The following TENM4 variants were observed in gnomAD, a reference collection of about 807,000 sequenced individuals.
TENM4 encodes the protein teneurin-4.
A neutral mutation model predicts 243.3 loss-of-function variants in TENM4; 82 were observed. The ratio of observed to expected loss-of-function variants is 0.34; its 90% confidence interval spans 0.28 to 0.40. TENM4 has a LOEUF of 0.40. Ranked by LOEUF, TENM4 falls within the 10% of genes least tolerant of loss-of-function variation. The pLI is 1.00. For synonymous variants in TENM4, 1,412 were observed against 1,456.3 expected (o/e 0.97, Z 0.69); for missense variants, 3,138 against 3,673.3 (o/e 0.85, Z 3.77).
chr11:78,928,286 A>G, intron 6 of TENM4, among the ~76,000 whole-genome samples: 1 of 152,228 alleles, frequency 6.6e-6, no homozygotes, highest in East Asian at 1.9e-4. Context: ...AGCTTGCTGG[A>G]AAGTTTTGAG....
At chr11:79,001,176 T>A (rs887327514) in intron 6 of TENM4, among the ~76,000 whole-genome samples, 2 of 152,226 alleles carry the variant, frequency 1.3e-5, no homozygotes, top group Non-Finnish European at 2.9e-5. Flanking sequence ...AAACATACTT[T>A]AGATTGTAAG....
chr11:79,037,425 A>C (rs1859417148), intron 6 of TENM4, among the ~76,000 whole-genome samples: 2 of 152,322 alleles, frequency 1.3e-5, no homozygotes, highest in Admixed American at 6.5e-5. Flanking sequence ...TCTAATGAGA[A>C]TCTCCTTCTA....
At chr11:79,199,343 C>T (rs918700912) in intron 3 of TENM4, among the ~76,000 whole-genome samples, 3 of 152,138 alleles carry the variant, frequency 2.0e-5, no homozygotes, top group Non-Finnish European at 4.4e-5. Flanking sequence ...CATTTGCTGT[C>T]GTTACTATTA....
chr11:78,853,973 G>T (rs1321098454), intron 12 of TENM4, 131 bp downstream of exon 12: 9 of 875,170 alleles, frequency 1.0e-5, no homozygotes, highest in Admixed American at 2.9e-5. Flanking sequence ...AGTCAGGAGG[G>T]TCTCGTGCCA....
chr11:79,155,728 C>T (rs912180219), intron 3 of TENM4, among the ~76,000 whole-genome samples: 5 of 147,904 alleles, frequency 3.4e-5, no homozygotes, highest in African/African-American at 7.5e-5. Flanking sequence ...TCCCTCCCTC[C>T]GTCCCTTCCT....
chr11:79,123,073 A>T (rs1191040591), intron 4 of TENM4, among the ~76,000 whole-genome samples: 1 of 152,104 alleles, frequency 6.6e-6, no homozygotes, highest in Non-Finnish European at 1.5e-5. Context: ...AGAGTGCCTC[A>T]CTCAGGAATA....
At chr11:78,808,209 G>T (rs1358408085) in intron 14 of TENM4, among the ~76,000 whole-genome samples, 1 of 152,126 alleles carries the variant, frequency 6.6e-6, no homozygotes, top group African/African-American at 2.4e-5. Context: ...GCAATATTCT[G>T]GGAACATTTA....
intron 19 of TENM4, among the ~76,000 whole-genome samples, chr11:78,749,494 G>C (rs1856132153): frequency 6.6e-6 from 1 of 151,970 alleles, no homozygotes; most frequent in African/African-American, 2.4e-5. Context: ...TCCATTAGAT[G>C]ATCTCTGCTG....
intron 6 of TENM4, among the ~76,000 whole-genome samples, chr11:78,987,857 C>A (rs867582783): frequency 6.6e-6 from 1 of 150,620 alleles, no homozygotes; most frequent in Non-Finnish European, 1.5e-5. Context: ...AAGAAACTGA[C>A]GGTAAGGCAG....
intron 2 of TENM4, among the ~76,000 whole-genome samples, chr11:79,245,986 G>A (rs1407522353): frequency 6.8e-6 from 1 of 147,584 alleles, no homozygotes; most frequent in Non-Finnish European, 1.5e-5. Context: ...AAGCAAAACA[G>A]GAGATCCTAA....
chr11:79,313,107 T>C (rs1856749000), intron 1 of TENM4, among the ~76,000 whole-genome samples: 1 of 152,184 alleles, frequency 6.6e-6, no homozygotes, highest in Admixed American at 6.5e-5. Flanking sequence ...GCATCATACT[T>C]CTCCGACTTC....
intron 29 of TENM4, among the ~76,000 whole-genome samples, chr11:78,685,343 C>T (rs911278736): frequency 2.0e-5 from 3 of 152,090 alleles, no homozygotes; most frequent in African/African-American, 4.8e-5. Flanking sequence ...AAGATGAAAC[C>T]GAAAGAGCTT....
In TENM4 at chr11:79,187,192, T is replaced by C. The variant is rs904963549; in HGVS notation, c.-163+28616A>G. Among the ~76,000 whole-genome samples the C allele has an allele frequency of 2.6e-5, 4 of 152,220 alleles. No individual in the cohort carries two copies. In the East Asian group the frequency reaches 7.7e-4, roughly 29 times the overall value. On this transcript the variant is annotated intron_variant, in intron 3 of 33. Coordinates refer to ENST00000278550, the MANE Select transcript of TENM4 (RefSeq NM_001098816.3). The stretch of plus-strand genomic sequence containing the variant: ...AGGGCAACGACTTGAGCCTCATCTA[T>C]TAATTTGACTATGAGACGGGTTCAA...
rs1857189058 is a variant in TENM4 at position 79,338,424 on chromosome 11, G to A, written c.-320-40881C>T. 2.6e-5 allele frequency among the ~76,000 whole-genome samples: 4 copies of A among 152,206 alleles called. No homozygotes were observed. In the South Asian group the frequency reaches 8.3e-4, roughly 32 times the overall value. ...GACCATCTAATCCTTGAAACGGGAT[G>A]GCCCCTGACTGCCACCCAAACAGCA... On this transcript the variant is annotated intron_variant, in intron 1 of 33. Transcript: ENST00000278550.
At chr11:78,750,206 A>G (rs886898679) in intron 19 of TENM4, among the ~76,000 whole-genome samples, 1 of 152,240 alleles carries the variant, frequency 6.6e-6, no homozygotes. Context: ...ATACACATAC[A>G]CATGTAACTG....
intron 2 of TENM4, among the ~76,000 whole-genome samples, chr11:79,266,412 A>C (rs1230231628): frequency 2.0e-5 from 3 of 152,232 alleles, no homozygotes; most frequent in Non-Finnish European, 4.4e-5. Context: ...AGTACCTTGC[A>C]TCATCCTAAT....
At position 79,056,054 on chromosome 11, in the gene TENM4, G is replaced by T. The variant is rs1265022276; in HGVS notation, c.493+8684C>A. ...TTGGTTATACTCTTTCTTCCTTGAA[G>T]TCATCCTGGGTCAGATGAAGTTCAA... On this transcript the variant is annotated intron_variant, in intron 6 of 33. Coordinates refer to ENST00000278550, the MANE Select transcript of TENM4 (RefSeq NM_001098816.3). 5.3e-5 allele frequency among the ~76,000 whole-genome samples: 8 copies of T among 152,158 alleles called. No individual in the cohort carries two copies. The East Asian group carries it at 1.5e-3, about 29-fold the overall frequency.
At chr11:79,368,108 C>T (rs1014166902) in intron 1 of TENM4, among the ~76,000 whole-genome samples, 1 of 152,132 alleles carries the variant, frequency 6.6e-6, no homozygotes, top group Non-Finnish European at 1.5e-5. Flanking sequence ...CAGAGTCCCA[C>T]CCCAAGACTA....
intron 16 of TENM4, among the ~76,000 whole-genome samples, chr11:78,784,359 T>TC (rs1323318050): frequency 1.3e-5 from 2 of 152,174 alleles, no homozygotes; most frequent in Non-Finnish European, 2.9e-5. Flanking sequence ...CTACTTTGCC[T>TC]CCCCTCCCCC....
Sources: gnomAD v4.1 joint callset for allele counts (sites outside exome capture counted in the v4.1 genomes callset) on GRCh38, gnomAD v4.1.1 for gene constraint, MANE v1.5 for transcripts, NCBI Gene and HGNC (gene_info 2026-07-23, HGNC 2026-07-21) for gene names.